Variants in SPATA21 observed in about 807,000 individuals in gnomAD.
SPATA21 encodes spermatogenesis associated 21, also known as spermatogenesis-associated protein 21.
In SPATA21, 47 loss-of-function variants were observed where a neutral mutation model predicts 54.8. The observed-to-expected ratio is 0.86, with a 90% CI of 0.68 to 1.09. SPATA21 has a LOEUF of 1.09. Among genes scored for constraint, SPATA21 ranks in the 50% least tolerant of loss-of-function variants. The probability of loss-of-function intolerance (pLI) is 0.00; values close to 1 mark genes in which losing one functional copy is unlikely to be tolerated. For missense variants in SPATA21, 599 were observed against 596.4 expected, an observed-to-expected ratio of 1.00 and a Z score of -0.05; for synonymous variants, 245 against 235.3, an observed-to-expected ratio of 1.04 and a Z score of -0.38.
chr1:16,424,067 G>A (rs950462482), intron 3 of SPATA21, among the ~76,000 whole-genome samples: 4 of 150,856 alleles, frequency 2.7e-5, no homozygotes, highest in Admixed American at 6.7e-5. Context: ...TGGTTTTGTG[G>A]GTGTGTACAT....
At chr1:16,418,554 G>A (rs2086081464) in intron 5 of SPATA21, among the ~76,000 whole-genome samples, 3 of 150,196 alleles carry the variant, frequency 2.0e-5, no homozygotes, top group East Asian at 3.9e-4. Context: ...TTACAAGCAT[G>A]AGCCACCATA....
rs527470015 is a variant in SPATA21, at chr1:16,431,074, T to C, written c.34+264A>G. The stretch of plus-strand genomic sequence containing the variant: ...TGAAGTCTATGAAGGCATGTGTCAG[T>C]TACCCAAACTGATATATTCTCTTTT... On this transcript the variant is annotated intron_variant, in intron 3 of 12. Transcript: ENST00000335496. Among the ~76,000 whole-genome samples the C allele has an allele frequency of 2.5e-3, 385 of 152,330 alleles. 4 individuals are homozygous for C. Among genetic ancestry groups the C allele is most frequent in the Non-Finnish European group, 3.1e-3 (209 of 68,028 alleles).
chr1:16,429,753 C>T (rs892054951), intron 3 of SPATA21, among the ~76,000 whole-genome samples: 3 of 151,604 alleles, frequency 2.0e-5, no homozygotes, highest in African/African-American at 7.3e-5. Flanking sequence ...GGATTACAGG[C>T]GTGAGCCACC....
At position 16,421,610 on chromosome 1, in the gene SPATA21, C is replaced by G; in HGVS notation, c.96-53G>C. ...GGGAAGCGCTCAGCTGAAGGTTTGC[C>G]CCCCTGCCCTCCCCTCTCAGCCCCC... On this transcript the variant is annotated intron_variant, in intron 4 of 12. Coordinates refer to ENST00000335496, the MANE Select transcript of SPATA21 (RefSeq NM_198546.1). The surrounding 1 kb of genome is among the most constrained non-coding windows in gnomAD (Gnocchi z 5.2). 6.4e-7 allele frequency: 1 copy of G among 1,559,240 alleles called. No individual in the cohort carries two copies.
At chr1:16,435,328 T>A (rs2086559114) in intron 1 of SPATA21, among the ~76,000 whole-genome samples, 1 of 151,538 alleles carries the variant, frequency 6.6e-6, no homozygotes, top group Non-Finnish European at 1.5e-5. Context: ...TTCGTCCTTT[T>A]TTTTTTGAGA....
chr1:16,398,257 C>CA (rs1476867692), downstream of SPATA21: 4 of 159,984 alleles, frequency 2.5e-5, no homozygotes, highest in African/African-American at 4.8e-5. Context: ...TTTGGTAAAA[C>CA]ACGAGGCCGG....
At chr1:16,426,579 A>ATATATATATATATAT (rs1401259793) in intron 3 of SPATA21, among the ~76,000 whole-genome samples, 29 of 107,156 alleles carry the variant, frequency 2.7e-4, no homozygotes, top group Admixed American at 4.0e-4. Flanking sequence ...ATATATATAT[A>ATATATATATATATAT]TTTTTTTTTT....
chr1:16,398,790 C>G lies in SPATA21; in HGVS notation c.1385G>C (p.Ser462Thr). The G allele has an allele frequency of 6.2e-7, 1 of 1,613,792 alleles. No individual in the cohort carries two copies. Among genetic ancestry groups the G allele is most frequent in the Non-Finnish European group, 8.5e-7 (1 of 1,179,782 alleles). Residue 462 changes from serine to threonine, a missense_variant, in exon 13 of 13, where the codon AGC becomes ACC. Ser to Thr is a moderately conservative substitution (Grantham distance 58). Transcript: ENST00000335496. ...TCAGTGGGTTCGAGCTGGCACAGAG[C>G]TGAGCCACTTTCTGCTGTCAGAGTT... ...EHNSDSRKWL[S>T]SVPARTH
intron 7 of SPATA21, among the ~76,000 whole-genome samples, chr1:16,407,682 A>T (rs370410592): frequency 1.3e-5 from 2 of 151,620 alleles, no homozygotes; most frequent in Admixed American, 1.3e-4. Flanking sequence ...CTGGTCTCGA[A>T]CTCCTGACCT....
chr1:16,398,689 C>T lies in SPATA21; in HGVS notation c.*76G>A. On this transcript the variant is annotated 3_prime_UTR_variant, in exon 13 of 13. Coordinates refer to ENST00000335496, the MANE Select transcript of SPATA21 (RefSeq NM_198546.1). ...GCTCACCAGGCCACAAAAGCAAATCCCAGCAGCAGCTCCTGCCTGGTGGCC... is the reference window on the plus strand; with the variant it reads ...GCTCACCAGGCCACAAAAGCAAATCTCAGCAGCAGCTCCTGCCTGGTGGCC... 1 of 1,550,780 alleles carries T rather than the reference C, an allele frequency of 6.4e-7. No homozygotes were observed.
chr1:16,419,850 G>A (rs2086119884), intron 5 of SPATA21, among the ~76,000 whole-genome samples: 2 of 152,192 alleles, frequency 1.3e-5, no homozygotes, highest in South Asian at 4.1e-4. Context: ...TGAGGCAAGA[G>A]AATTGCTTGA....
intron 2 of SPATA21, among the ~76,000 whole-genome samples, chr1:16,432,105 CTTCTTCTTCT>C: frequency 7.3e-6 from 1 of 137,298 alleles, no homozygotes; most frequent in East Asian, 2.6e-4. Flanking sequence ...TTTTCTTCTT[CTTCTTCTTCT>C]TTTTTTTTTT....
Position 16,421,316 on chromosome 1 carries a change from C to T in SPATA21, c.144+193G>A, listed in dbSNP as rs1033787331. On this transcript the variant is annotated intron_variant, in intron 5 of 12. Transcript: ENST00000335496. This position sits in a 1 kb window ranked among gnomAD's most constrained non-coding sequence, Gnocchi z 5.2. ...CCCAGAATACACACACATGCATACACACAGGCACAGGCACACACACACACG... is the reference window on the plus strand; with the variant it reads ...CCCAGAATACACACACATGCATACATACAGGCACAGGCACACACACACACG... Among the ~76,000 whole-genome samples the T allele has an allele frequency of 6.6e-5, 10 of 151,092 alleles. No homozygotes were observed. The highest frequency in any genetic ancestry group is 1.3e-4 in the Admixed American group (2 of 15,256).
In SPATA21 at chr1:16,409,975, C is replaced by T. The variant is rs753058028; in HGVS notation, c.213G>A (p.Val71=). 1.2e-6 allele frequency: 2 copies of T among 1,608,532 alleles called. No homozygotes were observed. Among genetic ancestry groups the T allele is most frequent in the Non-Finnish European group, 1.7e-6 (2 of 1,177,502 alleles). ...TCCCGAGGCTCTGTGTCCCTGCAGC[C>T]ACCGCGGGCTTCTGAGGCTGCTGCT... ...RAQQQPQKPA[V]AAGTQSLGNF... is the part of the protein sequence containing the mutation. The change falls in exon 6 of 13, where the codon GTG becomes GTA. Residue 71 remains valine, a synonymous_variant. Coordinates refer to ENST00000335496, the MANE Select transcript of SPATA21 (RefSeq NM_198546.1). This position sits in a 1 kb window ranked among gnomAD's most constrained non-coding sequence, Gnocchi z 4.1.
Position 16,410,033 on chromosome 1 carries a change from T to G in SPATA21, c.155A>C (p.Asp52Ala), listed in dbSNP as rs201947757. The change falls in exon 6 of 13, where the codon GAC becomes GCC. Residue 52 changes from aspartate to alanine, a missense_variant. Transcript: ENST00000335496. ...GTCTGGCTCCCGCCTCTCTCCAATG[T>G]CCCTCACCTCCTGGGGACAGGGGAG... is the stretch of plus-strand genomic sequence containing the variant. ...PGPLPPPEVR[D>A]IGERREPDRA... The G allele has an allele frequency of 3.2e-5, 50 of 1,559,064 alleles. No individual in the cohort carries two copies. The East Asian group carries it at 3.8e-4, about 12-fold the overall frequency.
intron 5 of SPATA21, among the ~76,000 whole-genome samples, chr1:16,416,555 G>A (rs890268714): frequency 1.2e-4 from 19 of 152,124 alleles, no homozygotes; most frequent in Non-Finnish European, 2.1e-4. Context: ...GTATATGCCT[G>A]TAATCTCAGC....
chr1:16,403,486 TTTTTTC>T (rs758764223), intron 10 of SPATA21, among the ~76,000 whole-genome samples: 1 of 121,228 alleles, frequency 8.2e-6, no homozygotes, highest in African/African-American at 2.8e-5. Flanking sequence ...TTTTTTTCTT[TTTTTTC>T]TTTTTTTTTT....
At position 16,405,081 on chromosome 1, in the gene SPATA21, A is replaced by G; in HGVS notation, c.697T>C (p.Phe233Leu). 1 of 1,609,274 alleles carries G rather than the reference A, an allele frequency of 6.2e-7. No homozygotes were observed. The highest frequency in any genetic ancestry group is 8.5e-7 in the Non-Finnish European group (1 of 1,178,206). ...EEAFRSYFEI[F>L]NGPGEVDAQS... Reference sequence around the variant, plus strand: ...GCATCCACCTCACCAGGACCATTGAAGATCTCAAAGTAGCTGCGGAAGGCT... The same window carrying G: ...GCATCCACCTCACCAGGACCATTGAGGATCTCAAAGTAGCTGCGGAAGGCT... The change falls in exon 8 of 13, where the codon TTC becomes CTC. Residue 233 changes from phenylalanine (F) to leucine (L), a missense_variant. Coordinates refer to ENST00000335496, the MANE Select transcript of SPATA21 (RefSeq NM_198546.1).
chr1:16,412,593 G>T lies in SPATA21; in HGVS notation c.145-2550C>A, dbSNP rs113184097. ...TTCTCCTGCCTCAGCCTCCCAAGTA[G>T]CTGGGATCACAGGTGTGTACCACCA... is the stretch of plus-strand genomic sequence containing the variant. On this transcript the variant is annotated intron_variant, in intron 5 of 12. Transcript: ENST00000335496. Among the ~76,000 whole-genome samples, 3 of 152,084 alleles carry T rather than the reference G, an allele frequency of 2.0e-5. 1 individual carries two copies. The highest frequency in any genetic ancestry group is 7.2e-5 in the African/African-American group (3 of 41,478).
Sources: allele counts gnomAD v4.1 joint callset (sites outside exome capture counted in the v4.1 genomes callset), GRCh38; gene constraint gnomAD v4.1.1; non-coding constraint Gnocchi (gnomAD v3.1); transcripts MANE v1.5; gene names NCBI Gene and HGNC (gene_info 2026-07-23, HGNC 2026-07-21).